The following TBCD variants were observed in gnomAD, a reference collection of about 807,000 sequenced individuals.
TBCD encodes tubulin folding cofactor D.
A neutral mutation model predicts 169.3 loss-of-function variants in TBCD; 105 were observed. That is an observed-to-expected ratio of 0.62 (90% CI 0.53 to 0.73). TBCD has a LOEUF of 0.73. Among genes scored for constraint, TBCD ranks in the 30% least tolerant of loss-of-function variants. The pLI, the probability that TBCD is intolerant of heterozygous loss-of-function variation, is 0.00. For missense variants in TBCD, 1,444 were observed against 1,600.1 expected (o/e 0.90, Z 1.66); for synonymous variants, 700 against 643.9 (o/e 1.09, Z -1.32).
rs1263892065 is a variant in TBCD, at chr17:82,945,556, C to T, written c.*3093C>T. Reference sequence around the variant, plus strand: ...TGTCAAGTTGCTTGAATTGTGCCCACAGCATAACATTAAAGAAGAGAACAA... The same window carrying T: ...TGTCAAGTTGCTTGAATTGTGCCCATAGCATAACATTAAAGAAGAGAACAA... On this transcript the variant is annotated 3_prime_UTR_variant, in exon 39 of 39. Transcript: ENST00000355528. 6.6e-6 allele frequency: 1 copy of T among 152,184 alleles called. No individual in the cohort carries two copies. The highest frequency in any genetic ancestry group is 1.9e-4 in the East Asian group (1 of 5,204). The allele number at this position is 152,184 out of a possible 1,614,324, so 9.4% of individuals were successfully genotyped here.
rs1426547524 is a variant in TBCD, at chr17:82,909,142, G to C, written c.1984-143G>C. 3 of 587,190 alleles carry C rather than the reference G, an allele frequency of 5.1e-6. No individual in the cohort carries two copies. In the East Asian group the frequency reaches 9.0e-5, roughly 18 times the overall value. 36.4% of individuals were successfully genotyped at this position (587,190 alleles called of 1,614,324 possible). On this transcript the variant is annotated intron_variant, in intron 21 of 38. Transcript: ENST00000355528. Reference sequence around the variant, plus strand: ...CATCTGCGTCAGTAGGTGGGCCTCCGTCCTCAGCCCCCTAGGCGGCTCTCC... The same window carrying C: ...CATCTGCGTCAGTAGGTGGGCCTCCCTCCTCAGCCCCCTAGGCGGCTCTCC...
chr17:82,752,160 C>G lies in TBCD; in HGVS notation c.-34C>G, dbSNP rs1598350944. ...TCTAGCGGAGTGGGATCTGCGAACA[C>G]GTGAGGCGGGGGCGCGGTCCCCAGG... is the stretch of plus-strand genomic sequence containing the variant. On this transcript the variant is annotated 5_prime_UTR_variant, in exon 1 of 39. Transcript: ENST00000355528. 2 of 1,486,146 alleles carry G rather than the reference C, an allele frequency of 1.3e-6. No individual in the cohort carries two copies. The highest frequency in any genetic ancestry group is 1.8e-6 in the Non-Finnish European group (2 of 1,121,076). 92.1% of individuals were successfully genotyped at this position (1,486,146 alleles called of 1,614,324 possible).
intron 14 of TBCD, chr17:82,876,954 C>T (rs987295735): frequency 4.1e-6 from 4 of 985,408 alleles, no homozygotes; most frequent in Non-Finnish European, 4.8e-6. Flanking sequence ...GTGGACTGAA[C>T]AACAGTAACC....
At chr17:82,834,303 G>A (rs551602429) in intron 13 of TBCD, among the ~76,000 whole-genome samples, 3 of 152,332 alleles carry the variant, frequency 2.0e-5, no homozygotes, top group African/African-American at 7.2e-5. Flanking sequence ...GGCCTGGAGC[G>A]ACTCAAGCAG....
chr17:82,765,824 CT>C (rs1326923284), intron 3 of TBCD, among the ~76,000 whole-genome samples: 3 of 151,410 alleles, frequency 2.0e-5, no homozygotes, highest in Non-Finnish European at 2.9e-5. Context: ...GGAAGGAAAT[CT>C]TTTTTTTTGA....
chr17:82,929,950 C>T (rs1391535461), intron 32 of TBCD: 2 of 320,458 alleles, frequency 6.2e-6, no homozygotes, highest in African/African-American at 4.3e-5. Flanking sequence ...GAAGGCCTCT[C>T]TGCATCTTGT....
At position 82,795,037 on chromosome 17, in the gene TBCD, C is replaced by G. The variant is rs117611451; in HGVS notation, c.772-2720C>G. 3.8e-3 allele frequency among the ~76,000 whole-genome samples: 574 copies of G among 152,296 alleles called. 3 individuals carry two copies. The highest frequency in any genetic ancestry group is 6.9e-3 in the Non-Finnish European group (469 of 68,026). On this transcript the variant is annotated intron_variant, in intron 7 of 38. Transcript: ENST00000355528. ...CTGGGCCTTTCCAGGTGTGGGGCATCCAGGCCAGTTACAAGAGATGATGCT... is the reference window on the plus strand; with the variant it reads ...CTGGGCCTTTCCAGGTGTGGGGCATGCAGGCCAGTTACAAGAGATGATGCT...
At position 82,831,216 on chromosome 17, in the gene TBCD, C is replaced by T; in HGVS notation, c.1318+16282C>T. 4 of 1,614,002 alleles carry T rather than the reference C, an allele frequency of 2.5e-6. No homozygotes were observed. Among genetic ancestry groups the T allele is most frequent in the Middle Eastern group, 1.6e-4 (1 of 6,062 alleles). On this transcript the variant is annotated intron_variant, in intron 13 of 38. Transcript: ENST00000355528. The surrounding 1 kb of genome is among the most constrained non-coding windows in gnomAD (Gnocchi z 4.6). ...GCATGAAGTCGGTGGGGCTCGGCCT[C>T]CCTGGGGAGCCCGTGGCTGCACTCC...
intron 15 of TBCD, among the ~76,000 whole-genome samples, chr17:82,887,131 C>CTCTGTGTGTG (rs1555632222): frequency 8.1e-5 from 10 of 123,362 alleles, no homozygotes; most frequent in African/African-American, 3.4e-4. Flanking sequence ...TACCTGTACT[C>CTCTGTGTGTG]TGTGTGTGTG....
intron 13 of TBCD, among the ~76,000 whole-genome samples, chr17:82,852,457 G>T (rs1317276106): frequency 6.6e-6 from 1 of 152,168 alleles, no homozygotes; most frequent in Admixed American, 6.5e-5. Flanking sequence ...CCAAGGTCGA[G>T]GTGCCAGCAG....
At chr17:82,767,652 G>T (rs1308781741) in intron 4 of TBCD, among the ~76,000 whole-genome samples, 1 of 152,022 alleles carries the variant, frequency 6.6e-6, no homozygotes, top group African/African-American at 2.4e-5. Context: ...TGTTGGTCAG[G>T]CTGGTTTAGG....
Position 82,926,326 on chromosome 17 carries a change from A to C in TBCD, c.2380-74A>C, listed in dbSNP as rs569243232. The C allele has an allele frequency of 7.6e-6, 11 of 1,451,246 alleles. No individual in the cohort carries two copies. The South Asian group carries it at 1.2e-4, about 16-fold the overall frequency. 89.9% of individuals were successfully genotyped at this position (1,451,246 alleles called of 1,614,324 possible). On this transcript the variant is annotated intron_variant, in intron 27 of 38. Transcript: ENST00000355528. ...GGTGTGGGGTCTGTGGCTCCGGGCCAACATTGCCACCTCCCTAAAGAGTGC... is the reference window on the plus strand; with the variant it reads ...GGTGTGGGGTCTGTGGCTCCGGGCCCACATTGCCACCTCCCTAAAGAGTGC...
At chr17:82,788,971 T>C (rs2049503807) in intron 7 of TBCD, among the ~76,000 whole-genome samples, 1 of 152,230 alleles carries the variant, frequency 6.6e-6, no homozygotes, top group Non-Finnish European at 1.5e-5. Context: ...CTTTGATTTC[T>C]CTTCAGATTT....
At chr17:82,798,159 T>A (rs948689511) in intron 8 of TBCD, among the ~76,000 whole-genome samples, 1 of 149,844 alleles carries the variant, frequency 6.7e-6, no homozygotes, top group African/African-American at 2.5e-5. Flanking sequence ...GTATTTTTTT[T>A]TTTTTGAGAT....
At chr17:82,795,495 G>A (rs1036709931) in intron 7 of TBCD, 52 of 982,966 alleles carry the variant, frequency 5.3e-5, no homozygotes, top group Non-Finnish European at 6.3e-5. Context: ...AGCGGTCTTC[G>A]TTGTTGAGCA....
intron 13 of TBCD, chr17:82,840,285 G>C (rs550869255): frequency 6.6e-6 from 1 of 152,246 alleles, no homozygotes; most frequent in Non-Finnish European, 1.5e-5. Context: ...CGATGTGTCC[G>C]CAGTTAGAAT....
intron 13 of TBCD, among the ~76,000 whole-genome samples, chr17:82,837,779 C>T (rs2054113823): frequency 6.6e-6 from 1 of 152,248 alleles, no homozygotes. Flanking sequence ...TCTTCCCTGA[C>T]TGCTGCTGGC....
At chr17:82,784,354 G>A (rs1461241452) in intron 7 of TBCD, among the ~76,000 whole-genome samples, 2 of 152,156 alleles carry the variant, frequency 1.3e-5, no homozygotes, top group African/African-American at 4.8e-5. Context: ...GTGTCCCCAG[G>A]TGCCCCTCGT....
At chr17:82,803,412 G>A (rs770201672) in intron 9 of TBCD, among the ~76,000 whole-genome samples, 2 of 152,206 alleles carry the variant, frequency 1.3e-5, no homozygotes, top group Non-Finnish European at 2.9e-5. Flanking sequence ...TCTCTGACAG[G>A]TGCGTCTGAG....
Sources: allele counts gnomAD v4.1 joint callset (sites outside exome capture counted in the v4.1 genomes callset), GRCh38; gene constraint gnomAD v4.1.1; non-coding constraint Gnocchi (gnomAD v3.1); transcripts MANE v1.5; gene names NCBI Gene and HGNC (gene_info 2026-07-23, HGNC 2026-07-21).